PKIB: variants seen among roughly 807,000 people sequenced by gnomAD.
PKIB encodes PKI-beta.
A neutral mutation model predicts 4.5 loss-of-function variants in PKIB; 2 were observed. The ratio of observed to expected loss-of-function variants is 0.44; its 90% CI spans 0.18 to 1.39. PKIB has a LOEUF of 1.39. Ranked by LOEUF, PKIB falls within the 40% of genes most tolerant of loss-of-function variation. PKIB has a pLI of 0.27. For synonymous variants in PKIB, 38 were observed against 36.0 expected, an observed-to-expected ratio of 1.06 and a Z score of -0.20; for missense variants, 94 against 92.6, an observed-to-expected ratio of 1.02 and a Z score of -0.06.
At chr6:122,544,264 T>C (rs1016004441) in intron 2 of PKIB, among the ~76,000 whole-genome samples, 4 of 152,000 alleles carry the variant, frequency 2.6e-5, no homozygotes, top group African/African-American at 9.7e-5. Context: ...TTCAAACTAA[T>C]AAACTTACAC....
chr6:122,580,936 AT>A (rs763404267), intron 2 of PKIB, among the ~76,000 whole-genome samples: 29 of 152,270 alleles, frequency 1.9e-4, no homozygotes, highest in Non-Finnish European at 2.6e-4. Flanking sequence ...AACAGTCATT[AT>A]CATCAATTCT....
Position 122,585,284 on chromosome 6 carries a change from C to T in PKIB, c.-247-637C>T, listed in dbSNP as rs78300489. ...AATTTTAAGACTTGTCTGCCCTGCA[C>T]CTTTATGATCAATGCAAGAGTCTCC... On this transcript the variant is annotated intron_variant, in intron 2 of 6. Coordinates refer to the PKIB transcript ENST00000392491. Among the ~76,000 whole-genome samples the T allele has an allele frequency of 2.0e-3, 310 of 152,226 alleles. 7 individuals carry two copies. The East Asian group carries it at 0.042, about 20-fold the overall frequency.
intron 2 of PKIB, among the ~76,000 whole-genome samples, chr6:122,648,836 G>T (rs1205646642): frequency 2.6e-5 from 4 of 152,134 alleles, no homozygotes; most frequent in Admixed American, 6.5e-5. Context: ...CTCAGTGTTG[G>T]TCTCTGCTGC....
chr6:122,602,787 A>G (rs1480757852), intron 3 of PKIB, among the ~76,000 whole-genome samples: 1 of 151,562 alleles, frequency 6.6e-6, no homozygotes, highest in Non-Finnish European at 1.5e-5. Context: ...ACAAATGAAC[A>G]AACAAAAAAA....
At chr6:122,682,111 A>G (rs1197563250) in intron 3 of PKIB, among the ~76,000 whole-genome samples, 1 of 152,164 alleles carries the variant, frequency 6.6e-6, no homozygotes, top group Admixed American at 6.5e-5. Context: ...GAACCACCTC[A>G]GAGAAATAGA....
At chr6:122,654,804 TAGAAAG>T (rs1776703504) in intron 2 of PKIB, among the ~76,000 whole-genome samples, 1 of 152,188 alleles carries the variant, frequency 6.6e-6, no homozygotes, top group Non-Finnish European at 1.5e-5. Flanking sequence ...ATTTTAGTGT[TAGAAAG>T]AGAAATGTAT....
At chr6:122,543,355 C>CCTT (rs1772370989) in intron 2 of PKIB, among the ~76,000 whole-genome samples, 1 of 138,806 alleles carries the variant, frequency 7.2e-6, no homozygotes, top group African/African-American at 2.7e-5. Flanking sequence ...CCACCCCCTC[C>CCTT]TTTTTTTTTT....
chr6:122,630,029 G>A (rs1775630526), intron 1 of PKIB, among the ~76,000 whole-genome samples: 1 of 152,068 alleles, frequency 6.6e-6, no homozygotes, highest in African/African-American at 2.4e-5. Flanking sequence ...ACTAATGTAA[G>A]ATACAAATAA....
chr6:122,681,362 T>C (rs1365331597), intron 3 of PKIB, among the ~76,000 whole-genome samples: 2 of 152,226 alleles, frequency 1.3e-5, no homozygotes, highest in African/African-American at 4.8e-5. Flanking sequence ...GATTAGCTAA[T>C]TTATATTTGA....
intron 1 of PKIB, among the ~76,000 whole-genome samples, chr6:122,627,313 T>C (rs1775494733): frequency 6.6e-6 from 1 of 152,114 alleles, no homozygotes; most frequent in South Asian, 2.1e-4. Context: ...CCTAGCACTC[T>C]GCTCTTCTCT....
intron 3 of PKIB, among the ~76,000 whole-genome samples, chr6:122,714,197 C>T (rs974585122): frequency 1.3e-5 from 2 of 152,150 alleles, no homozygotes; most frequent in African/African-American, 4.8e-5. Flanking sequence ...GTGCCATCTT[C>T]CTACATCGCT....
chr6:122,495,256 G>C (rs551755005), intron 2 of PKIB, among the ~76,000 whole-genome samples: 4 of 152,180 alleles, frequency 2.6e-5, no homozygotes, highest in Non-Finnish European at 4.4e-5. Flanking sequence ...GGAAGTGCAA[G>C]TGTATCACAT....
At chr6:122,604,989 C>T (rs1440136364) in intron 3 of PKIB, among the ~76,000 whole-genome samples, 2 of 152,100 alleles carry the variant, frequency 1.3e-5, no homozygotes, top group African/African-American at 4.8e-5. Context: ...CAGTTGTGTC[C>T]CCAACTGTTT....
At position 122,587,038 on chromosome 6, in the gene PKIB, T is replaced by A. The variant is rs1042125975; in HGVS notation, c.-161+1031T>A. 2.2e-3 allele frequency among the ~76,000 whole-genome samples: 328 copies of A among 152,188 alleles called. 1 individual carries two copies. Among genetic ancestry groups the A allele is most frequent in the Non-Finnish European group, 4.0e-3 (270 of 67,984 alleles). On this transcript the variant is annotated intron_variant, in intron 3 of 6. Transcript: ENST00000392491. Reference sequence around the variant, plus strand: ...TAAATAAGCAATGTGGTTTTTTTTTTATTGTACTTTAAGTTTTAGGGTATA... The same window carrying A: ...TAAATAAGCAATGTGGTTTTTTTTTAATTGTACTTTAAGTTTTAGGGTATA...
At chr6:122,624,752 G>T (rs1775369963) in intron 1 of PKIB, among the ~76,000 whole-genome samples, 1 of 152,106 alleles carries the variant, frequency 6.6e-6, no homozygotes, top group Non-Finnish European at 1.5e-5. Context: ...TCCCAGCTCT[G>T]GGACTTATTA....
At chr6:122,572,469 G>C (rs1289497199) in intron 2 of PKIB, among the ~76,000 whole-genome samples, 2 of 151,942 alleles carry the variant, frequency 1.3e-5, no homozygotes, top group Non-Finnish European at 2.9e-5. Flanking sequence ...CCGGGATACA[G>C]CAAAAGTAGT....
intron 2 of PKIB, among the ~76,000 whole-genome samples, chr6:122,512,605 C>A (rs1317992654): frequency 6.6e-6 from 1 of 152,198 alleles, no homozygotes; most frequent in African/African-American, 2.4e-5. Flanking sequence ...TGTGTACCAG[C>A]TGCTCCTTTG....
intron 2 of PKIB, among the ~76,000 whole-genome samples, chr6:122,635,724 G>A (rs1775894637): frequency 6.6e-6 from 1 of 151,970 alleles, no homozygotes; most frequent in Non-Finnish European, 1.5e-5. Flanking sequence ...CATAGTCTTA[G>A]ACTGAGGAAT....
chr6:122,516,382 T>C (rs1057367666), intron 2 of PKIB, among the ~76,000 whole-genome samples: 2 of 152,214 alleles, frequency 1.3e-5, no homozygotes, highest in African/African-American at 4.8e-5. Flanking sequence ...TGGCTTTCAG[T>C]TCCCTGCGCC....
Sources: allele counts gnomAD v4.1 joint callset (sites outside exome capture counted in the v4.1 genomes callset), GRCh38; gene constraint gnomAD v4.1.1; transcripts MANE v1.5; gene names NCBI Gene and HGNC (gene_info 2026-07-23, HGNC 2026-07-21).